Variants in ABCC4 observed in about 807,000 individuals in gnomAD.
ABCC4 encodes the protein ATP-binding cassette sub-family C member 4.
ABCC4 carries 102 observed loss-of-function variants against 168.5 expected under a neutral mutation model. That is an observed-to-expected ratio of 0.61 (90% confidence interval 0.52 to 0.71). The LOEUF (loss-of-function observed/expected upper bound fraction) is 0.71. ABCC4 is among the 30% of genes least tolerant of loss of function. ABCC4 has a pLI of 0.00. For synonymous variants in ABCC4, 617 were observed against 590.7 expected (o/e 1.04, Z -0.65); for missense variants, 1,402 against 1,605.8 (o/e 0.87, Z 2.17).
intron 1 of ABCC4, among the ~76,000 whole-genome samples, chr13:95,270,213 T>C (rs144839395): frequency 6.6e-6 from 1 of 152,220 alleles, no homozygotes; most frequent in Non-Finnish European, 1.5e-5. Flanking sequence ...GGAAATTAAA[T>C]TAATATATTT....
In ABCC4 at chr13:95,247,520, G is replaced by A. The variant is rs141353270; in HGVS notation, c.185+123C>T. ...CTGAGCCTAGGGGCAGCCTGAGGAA[G>A]GTGACACATATTCACCTTAAGGGTA... On this transcript the variant is annotated intron_variant, in intron 2 of 30. Coordinates refer to ENST00000645237, the MANE Select transcript of ABCC4 (RefSeq NM_005845.5). 1.2e-3 allele frequency: 819 copies of A among 705,018 alleles called. 1 individual carries two copies. Among genetic ancestry groups the A allele is most frequent in the Non-Finnish European group, 9.1e-4 (378 of 415,338 alleles). The allele number at this position is 705,018 out of a possible 1,614,324, so 43.7% of individuals were successfully genotyped here. A position where few individuals can be genotyped will look rare whatever the true frequency, so the allele number is the denominator to read the frequency against.
chr13:95,245,422 C>T (rs2138799831), intron 3 of ABCC4, among the ~76,000 whole-genome samples: 1 of 152,346 alleles, frequency 6.6e-6, no homozygotes, highest in South Asian at 2.1e-4. Context: ...GCCAGGAAAT[C>T]CTGCACACAC....
chr13:95,029,176 A>ATCTATATCTATATCTATATC lies in ABCC4; in HGVS notation c.3870+5428_3870+5429insGATATAGATATAGATATAGA, dbSNP rs1566355097. Among the ~76,000 whole-genome samples the ATCTATATCTATATCTATATC allele has an allele frequency of 1.2e-4, 6 of 51,056 alleles. No homozygotes were observed. The East Asian group carries it at 2.2e-3, about 19-fold the overall frequency. 33.5% of individuals were successfully genotyped at this position (51,056 alleles called of 152,430 possible). On this transcript the variant is annotated intron_variant, in intron 30 of 30. Transcript: ENST00000645237. ...TGCTTTAAAAAAAATACATATATAT[A>ATCTATATCTATATCTATATC]TATATATATATATATATATATATAT... is the stretch of plus-strand genomic sequence containing the variant.
chr13:95,057,261 G>A (rs1361535869), intron 26 of ABCC4, among the ~76,000 whole-genome samples: 2 of 150,694 alleles, frequency 1.3e-5, no homozygotes, highest in Non-Finnish European at 2.9e-5. Flanking sequence ...TTTTTTTTGA[G>A]ACAGAGTCTC....
At chr13:95,198,188 A>G (rs1401065865) in intron 8 of ABCC4, among the ~76,000 whole-genome samples, 1 of 152,224 alleles carries the variant, frequency 6.6e-6, no homozygotes, top group Non-Finnish European at 1.5e-5. Flanking sequence ...ACAGAATGGA[A>G]GAAAATTTTT....
chr13:95,282,980 TC>T (rs999904648), intron 1 of ABCC4, among the ~76,000 whole-genome samples: 1 of 151,654 alleles, frequency 6.6e-6, no homozygotes, highest in African/African-American at 2.4e-5. Context: ...CACTTTGGGA[TC>T]CCAAGGCAGG....
At chr13:95,201,318 C>T (rs144827274) in intron 8 of ABCC4, among the ~76,000 whole-genome samples, 6 of 152,284 alleles carry the variant, frequency 3.9e-5, no homozygotes, top group Middle Eastern at 3.4e-3. Context: ...TCCCTAGCTG[C>T]ATATTGGACC....
Position 95,300,069 on chromosome 13 carries a change from T to C in ABCC4, c.74+1172A>G, listed in dbSNP as rs977624796. Among the ~76,000 whole-genome samples the C allele has an allele frequency of 1.3e-4, 20 of 152,342 alleles. 1 individual carries two copies. The highest frequency in any genetic ancestry group is 4.8e-4 in the African/African-American group (20 of 41,590). On this transcript the variant is annotated intron_variant, in intron 1 of 30. Coordinates refer to ENST00000645237, the MANE Select transcript of ABCC4 (RefSeq NM_005845.5). ...GTCAGCCAGGCTGGTCTCGAACTCC[T>C]GACCTCGTGATCCACCCACCTCTGC...
chr13:95,248,579 A>G (rs974826315), intron 1 of ABCC4, among the ~76,000 whole-genome samples: 1 of 152,136 alleles, frequency 6.6e-6, no homozygotes, highest in African/African-American at 2.4e-5. Flanking sequence ...TAATCATTAA[A>G]TGATAATAAT....
intron 8 of ABCC4, among the ~76,000 whole-genome samples, chr13:95,196,549 A>G (rs966647937): frequency 1.3e-4 from 19 of 150,684 alleles, no homozygotes; most frequent in African/African-American, 4.4e-4. Flanking sequence ...ACCCTGTCAA[A>G]AAAAATAAAA....
intron 25 of ABCC4, among the ~76,000 whole-genome samples, chr13:95,068,953 T>G (rs1466515577): frequency 6.6e-6 from 1 of 152,252 alleles, no homozygotes; most frequent in Non-Finnish European, 1.5e-5. Context: ...CAGCTGATGC[T>G]GCCTGCAGAG....
At chr13:95,256,950 A>G (rs1175837759) in intron 1 of ABCC4, among the ~76,000 whole-genome samples, 1 of 152,194 alleles carries the variant, frequency 6.6e-6, no homozygotes. Flanking sequence ...GAGCATCTGA[A>G]GCTACTCATT....
chr13:95,225,138 CTG>C (rs71882399), intron 4 of ABCC4, among the ~76,000 whole-genome samples: 11,119 of 47,912 alleles, frequency 0.23, 545 homozygotes, highest in South Asian at 0.4. Flanking sequence ...GTCTGTCTGT[CTG>C]TCTCTCTCTC....
intron 25 of ABCC4, among the ~76,000 whole-genome samples, chr13:95,063,563 G>A (rs2033381968): frequency 6.6e-6 from 1 of 152,194 alleles, no homozygotes; most frequent in East Asian, 1.9e-4. Flanking sequence ...CAACAACAAC[G>A]CAAGTAACAT....
At chr13:95,128,250 C>T (rs2139444224) in intron 19 of ABCC4, among the ~76,000 whole-genome samples, 1 of 152,318 alleles carries the variant, frequency 6.6e-6, no homozygotes, top group African/African-American at 2.4e-5. Flanking sequence ...CAGAGAAGAA[C>T]TCTATACACA....
intron 21 of ABCC4, among the ~76,000 whole-genome samples, chr13:95,076,772 T>G (rs768760944): frequency 6.6e-6 from 1 of 150,788 alleles, no homozygotes; most frequent in Non-Finnish European, 1.5e-5. Flanking sequence ...GCCTGTTGGG[T>G]TTTTTAGAAA....
chr13:95,170,492 A>G (rs756845462), intron 14 of ABCC4, 40 bp downstream of exon 14: 1 of 1,297,858 alleles, frequency 7.7e-7, no homozygotes, highest in Non-Finnish European at 1.1e-6. Flanking sequence ...CAACACACCC[A>G]AGTACTTGCA....
intron 4 of ABCC4, among the ~76,000 whole-genome samples, chr13:95,220,022 AT>A (rs60994275): frequency 2.3e-3 from 326 of 144,856 alleles, no homozygotes; most frequent in Middle Eastern, 0.01. Context: ...TGCCTGGCTA[AT>A]TTTTTTTTTT....
intron 1 of ABCC4, among the ~76,000 whole-genome samples, chr13:95,296,022 A>G (rs2041522059): frequency 6.6e-6 from 1 of 151,184 alleles, no homozygotes. Flanking sequence ...TAGCTCAGCT[A>G]CTTGGGAGGC....
Sources: gnomAD v4.1 joint callset for allele counts (sites outside exome capture counted in the v4.1 genomes callset) on GRCh38, gnomAD v4.1.1 for gene constraint, MANE v1.5 for transcripts, NCBI Gene and HGNC (gene_info 2026-07-23, HGNC 2026-07-21) for gene names.